The following ATG10 variants were observed in gnomAD, a reference collection of about 807,000 sequenced individuals.
ATG10 encodes autophagy related 10, also known as ubiquitin-like-conjugating enzyme ATG10.
ATG10 carries 30 observed loss-of-function variants against 32.1 expected under a neutral mutation model. That is an observed-to-expected ratio of 0.94 (90% CI 0.70 to 1.27). The LOEUF is 1.27. Among genes scored for constraint, ATG10 ranks in the 50% most tolerant of loss-of-function variants. The probability of loss-of-function intolerance (pLI) is 0.00; values close to 1 mark genes in which losing one functional copy is unlikely to be tolerated. For synonymous variants in ATG10, 87 were observed against 91.5 expected, an observed-to-expected ratio of 0.95 and a Z score of 0.28; for missense variants, 233 against 262.3, an observed-to-expected ratio of 0.89 and a Z score of 0.77.
chr5:82,232,918 C>G (rs986160924), intron 5 of ATG10, among the ~76,000 whole-genome samples: 4 of 152,202 alleles, frequency 2.6e-5, no homozygotes, highest in Non-Finnish European at 4.4e-5. Context: ...CTGCTGTCTT[C>G]TCTCTCTCCC....
rs1466571567 is a variant in ATG10, at chr5:82,018,707, T to C, written c.108+31029T>C. Among the ~76,000 whole-genome samples the C allele has an allele frequency of 3.3e-5, 5 of 152,300 alleles. No homozygotes were observed. The East Asian group carries it at 7.7e-4, about 24-fold the overall frequency. ...GTCTAGAACACTCTTCTTCCAGATA[T>C]AGCTAAGTCATCCAGGTCCTTTGTG... On this transcript the variant is annotated intron_variant, in intron 2 of 7. Transcript: ENST00000282185.
rs1210982651 is a variant in ATG10 at position 82,037,145 on chromosome 5, A to C, written c.109-21350A>C. Among the ~76,000 whole-genome samples, 4 of 149,422 alleles carry C rather than the reference A, an allele frequency of 2.7e-5. No individual in the cohort carries two copies. In the East Asian group the frequency reaches 7.7e-4, roughly 29 times the overall value. On this transcript the variant is annotated intron_variant, in intron 2 of 7. Coordinates refer to ENST00000282185, the MANE Select transcript of ATG10 (RefSeq NM_031482.5). The stretch of plus-strand genomic sequence containing the variant: ...ACTCTGTCTCAAAAAAAAAAAAAAA[A>C]AAAAAAAAAATTCAGTTGAGTCCCT...
intron 2 of ATG10, among the ~76,000 whole-genome samples, chr5:82,051,087 C>T (rs1438326004): frequency 3.9e-5 from 6 of 152,060 alleles, no homozygotes; most frequent in East Asian, 1.9e-4. Flanking sequence ...AAACTGTGCA[C>T]GGGCAGAAAA....
chr5:82,204,378 A>G (rs1325499319), intron 5 of ATG10, among the ~76,000 whole-genome samples: 2 of 152,214 alleles, frequency 1.3e-5, no homozygotes, highest in African/African-American at 2.4e-5. Flanking sequence ...TCCATATTAG[A>G]TGAAGTCAAT....
At chr5:82,208,423 A>G (rs1010085791) in intron 5 of ATG10, among the ~76,000 whole-genome samples, 1 of 152,206 alleles carries the variant, frequency 6.6e-6, no homozygotes, top group Non-Finnish European at 1.5e-5. Context: ...AACTCTTCCA[A>G]TCTATGAATA....
chr5:82,111,349 A>G (rs1765615817), intron 3 of ATG10: 1 of 151,926 alleles, frequency 6.6e-6, no homozygotes, highest in Non-Finnish European at 1.5e-5. Flanking sequence ...CTCCTGGGTG[A>G]CCATTTTGTG....
At chr5:82,139,401 G>A (rs1465566904) in intron 3 of ATG10, among the ~76,000 whole-genome samples, 20 of 147,400 alleles carry the variant, frequency 1.4e-4, no homozygotes, top group Non-Finnish European at 2.7e-4. Flanking sequence ...AGTGAGGAGC[G>A]CCTCTTCCCA....
At chr5:82,237,026 A>C (rs1746583185) in intron 5 of ATG10, among the ~76,000 whole-genome samples, 1 of 152,068 alleles carries the variant, frequency 6.6e-6, no homozygotes, top group Non-Finnish European at 1.5e-5. Flanking sequence ...AAAACTATAA[A>C]GTACGATTGC....
At chr5:82,027,786 T>A (rs1239467055) in intron 2 of ATG10, among the ~76,000 whole-genome samples, 1 of 152,320 alleles carries the variant, frequency 6.6e-6, no homozygotes, top group Non-Finnish European at 1.5e-5. Flanking sequence ...GAAATGACAA[T>A]CGTCTCAAAT....
At chr5:81,975,312 G>A (rs1205601209) in intron 1 of ATG10, among the ~76,000 whole-genome samples, 1 of 152,118 alleles carries the variant, frequency 6.6e-6, no homozygotes, top group Non-Finnish European at 1.5e-5. Context: ...AGAAGAATGT[G>A]TATTCTGAAA....
At chr5:82,133,476 G>C (rs1208025830) in intron 3 of ATG10, among the ~76,000 whole-genome samples, 3 of 152,080 alleles carry the variant, frequency 2.0e-5, no homozygotes, top group African/African-American at 7.2e-5. Flanking sequence ...TTATGGAATA[G>C]GGAATCTTTT....
chr5:82,021,605 GGGCGTGGT>G (rs1762437358), intron 2 of ATG10, among the ~76,000 whole-genome samples: 1 of 152,024 alleles, frequency 6.6e-6, no homozygotes, highest in African/African-American at 2.4e-5. Flanking sequence ...TTTATCAGCC[GGGCGTGGT>G]GGCTCAAACC....
At chr5:82,114,828 A>C (rs1308509106) in intron 3 of ATG10, among the ~76,000 whole-genome samples, 1 of 152,116 alleles carries the variant, frequency 6.6e-6, no homozygotes, top group Non-Finnish European at 1.5e-5. Flanking sequence ...ATTAGCCAAT[A>C]GAATTTCCTG....
rs145292807 is a variant in ATG10, at chr5:82,006,525, A to G, written c.108+18847A>G. Among the ~76,000 whole-genome samples, 323 of 152,298 alleles carry G rather than the reference A, an allele frequency of 2.1e-3. 1 individual carries two copies. Among genetic ancestry groups the G allele is most frequent in the Non-Finnish European group, 1.8e-3 (122 of 68,006 alleles). ...TTCTTTATTTTCCCCATATGTATTC[A>G]AATTATAGGCTGTTCATGTGTGCTC... On this transcript the variant is annotated intron_variant, in intron 2 of 7. Coordinates refer to ENST00000282185, the MANE Select transcript of ATG10 (RefSeq NM_031482.5).
At chr5:82,075,664 G>A (rs1003861860) in intron 3 of ATG10, among the ~76,000 whole-genome samples, 12 of 151,968 alleles carry the variant, frequency 7.9e-5, no homozygotes, top group African/African-American at 2.4e-4. Context: ...GGTCAGGTGC[G>A]CTGGCTCATG....
intron 3 of ATG10, among the ~76,000 whole-genome samples, chr5:82,063,494 A>ATT (rs143081537): frequency 8.4e-5 from 12 of 143,690 alleles, no homozygotes; most frequent in African/African-American, 1.0e-4. Context: ...ACTGCTAACA[A>ATT]TTTTTTTTTT....
At chr5:82,243,968 C>G (rs144145543) in intron 5 of ATG10, among the ~76,000 whole-genome samples, 7 of 152,100 alleles carry the variant, frequency 4.6e-5, no homozygotes, top group African/African-American at 1.7e-4. Flanking sequence ...AAACAGAGGA[C>G]AAAGATACCT....
chr5:82,132,636 T>C (rs968725495), intron 3 of ATG10, among the ~76,000 whole-genome samples: 1 of 152,152 alleles, frequency 6.6e-6, no homozygotes, highest in Non-Finnish European at 1.5e-5. Flanking sequence ...TGCCACATTT[T>C]CTTTAACCAG....
intron 3 of ATG10, among the ~76,000 whole-genome samples, chr5:82,082,149 T>C (rs1764505029): frequency 6.6e-6 from 1 of 151,888 alleles, no homozygotes; most frequent in Non-Finnish European, 1.5e-5. Context: ...CCAGATGAGA[T>C]TTGGGGGGGG....
Sources: gnomAD v4.1 joint callset for allele counts (sites outside exome capture counted in the v4.1 genomes callset) on GRCh38, gnomAD v4.1.1 for gene constraint, MANE v1.5 for transcripts, NCBI Gene and HGNC (gene_info 2026-07-23, HGNC 2026-07-21) for gene names.